Variants in AKAP13 observed in about 807,000 individuals in gnomAD.
AKAP13 encodes A-kinase anchor protein 13.
Under a neutral mutation model 264.5 loss-of-function variants are expected in AKAP13, and 80 were observed. The ratio of observed to expected loss-of-function variants is 0.30; its 90% confidence interval spans 0.25 to 0.36. AKAP13 has a LOEUF of 0.36. Ranked by LOEUF, AKAP13 falls within the 10% of genes least tolerant of loss-of-function variation. The probability of loss-of-function intolerance (pLI) is 1.00; values close to 1 mark genes in which losing one functional copy is unlikely to be tolerated. For synonymous variants in AKAP13, 1,380 were observed against 1,250.2 expected (o/e 1.10, Z -2.19); for missense variants, 3,712 against 3,435.2 (o/e 1.08, Z -2.01).
intron 2 of AKAP13, among the ~76,000 whole-genome samples, chr15:85,511,582 T>C (rs936816979): frequency 6.6e-6 from 1 of 152,188 alleles, no homozygotes; most frequent in Non-Finnish European, 1.5e-5. Context: ...TGCTTGAGGC[T>C]TACTATCTTC....
rs2089403292 is a variant in AKAP13 at position 85,747,452 on chromosome 15, T to G, written c.*2775T>G. On this transcript the variant is annotated 3_prime_UTR_variant, in exon 37 of 37. Transcript: ENST00000394518. ...GTTTCCACGCCGGGACACCATGTTCTCCATCAAGCTAAAGAAATCACGTGC... is the reference window on the plus strand; with the variant it reads ...GTTTCCACGCCGGGACACCATGTTCGCCATCAAGCTAAAGAAATCACGTGC... 6.6e-6 allele frequency: 1 copy of G among 152,604 alleles called. No individual in the cohort carries two copies. 9.5% of individuals were successfully genotyped at this position (152,604 alleles called of 1,614,324 possible). A position where few individuals can be genotyped will look rare whatever the true frequency, so the allele number is the denominator to read the frequency against.
chr15:85,498,361 G>T (rs1029122509), intron 2 of AKAP13, among the ~76,000 whole-genome samples: 4 of 151,950 alleles, frequency 2.6e-5, no homozygotes, highest in Non-Finnish European at 5.9e-5. Flanking sequence ...ATAAATACTT[G>T]CGCTGAGAGC....
intron 8 of AKAP13, among the ~76,000 whole-genome samples, chr15:85,637,387 C>G (rs1317250961): frequency 6.6e-6 from 1 of 152,120 alleles, no homozygotes; most frequent in African/African-American, 2.4e-5. Flanking sequence ...TGCATAGTGT[C>G]ATGGAATGCT....
At chr15:85,663,309 C>CAAAA (rs11435393) in intron 12 of AKAP13, among the ~76,000 whole-genome samples, 1 of 134,760 alleles carries the variant, frequency 7.4e-6, no homozygotes. Context: ...GGCTCTGTCT[C>CAAAA]AAAAAAAAAA....
At position 85,693,453 on chromosome 15, in the gene AKAP13, T is replaced by A; in HGVS notation, c.5464+2T>A. 1 of 1,611,312 alleles carries A rather than the reference T, an allele frequency of 6.2e-7. No individual in the cohort carries two copies. The highest frequency in any genetic ancestry group is 8.5e-7 in the Non-Finnish European group (1 of 1,179,304). The stretch of plus-strand genomic sequence containing the variant: ...ACAAAGATGCCTATACTTGTGCAAG[T>A]AAGAGACATGCTTCTTCCTCTCGTA... On this transcript the variant is annotated splice_donor_variant, in intron 17 of 36. Coordinates refer to ENST00000394518, the MANE Select transcript of AKAP13 (RefSeq NM_007200.5). LOFTEE classifies it high-confidence loss of function.
At chr15:85,686,191 A>AT (rs1555459330) in intron 16 of AKAP13, among the ~76,000 whole-genome samples, 1 of 151,354 alleles carries the variant, frequency 6.6e-6, no homozygotes, top group African/African-American at 2.4e-5. Flanking sequence ...ACGTGCATGC[A>AT]TGTGTGTGTG....
chr15:85,651,534 T>A (rs926094800), intron 10 of AKAP13: 7 of 152,232 alleles, frequency 4.6e-5, no homozygotes, highest in Non-Finnish European at 1.0e-4. Context: ...ATTTAATGAC[T>A]GCTTCACGAA....
rs142957048 is a variant in AKAP13 at position 85,422,652 on chromosome 15, A to G, written c.-12+41854A>G. Among the ~76,000 whole-genome samples the G allele has an allele frequency of 5.1e-3, 783 of 152,364 alleles. 1 individual carries two copies. Among genetic ancestry groups the G allele is most frequent in the Middle Eastern group, 0.037 (11 of 294 alleles). On this transcript the variant is annotated intron_variant, in intron 1 of 36. Coordinates refer to ENST00000394518, the MANE Select transcript of AKAP13 (RefSeq NM_007200.5). ...TGCATCCTTCTCTGTGCATACCTGC[A>G]TATGATTTTAAATTAGGAAAGAAAA... is the stretch of plus-strand genomic sequence containing the variant.
intron 1 of AKAP13, among the ~76,000 whole-genome samples, chr15:85,478,634 T>C (rs1255080662): frequency 6.6e-6 from 1 of 152,188 alleles, no homozygotes; most frequent in African/African-American, 2.4e-5. Flanking sequence ...TTCTTTTGTT[T>C]TACTGTTGAA....
At chr15:85,674,207 G>C (rs906859557) in intron 14 of AKAP13, among the ~76,000 whole-genome samples, 1 of 152,148 alleles carries the variant, frequency 6.6e-6, no homozygotes, top group Non-Finnish European at 1.5e-5. Flanking sequence ...GTTACAGGTT[G>C]AGCATCCCTA....
intron 9 of AKAP13, among the ~76,000 whole-genome samples, chr15:85,642,028 A>G (rs929156640): frequency 6.6e-6 from 1 of 152,216 alleles, no homozygotes; most frequent in Non-Finnish European, 1.5e-5. Context: ...TCAGTACACA[A>G]AAATTACAGA....
chr15:85,503,734 A>G (rs1264787255), intron 2 of AKAP13, among the ~76,000 whole-genome samples: 1 of 152,208 alleles, frequency 6.6e-6, no homozygotes, highest in South Asian at 2.1e-4. Context: ...TTCTACTTAG[A>G]AAAGAAAGGC....
intron 34 of AKAP13, 94 bp downstream of exon 34, chr15:85,740,366 GT>G: frequency 6.9e-7 from 1 of 1,444,906 alleles, no homozygotes; most frequent in Non-Finnish European, 9.6e-7. Context: ...TTTGCAGGAT[GT>G]TTAATGGATA....
At chr15:85,640,316 T>A (rs2151475584) in intron 9 of AKAP13, among the ~76,000 whole-genome samples, 1 of 152,314 alleles carries the variant, frequency 6.6e-6, no homozygotes, top group Admixed American at 6.5e-5. Context: ...AGCAAGCCTC[T>A]GTTTGCCTTC....
chr15:85,557,327 A>T (rs1306606107), intron 5 of AKAP13, among the ~76,000 whole-genome samples: 1 of 152,210 alleles, frequency 6.6e-6, no homozygotes, highest in Non-Finnish European at 1.5e-5. Context: ...TTATGATGAA[A>T]ATGCTCTGAA....
chr15:85,617,008 A>G (rs2080964765), intron 8 of AKAP13, among the ~76,000 whole-genome samples: 1 of 152,240 alleles, frequency 6.6e-6, no homozygotes, highest in Non-Finnish European at 1.5e-5. Context: ...GAAGTTAGAA[A>G]TAAAAAGGTT....
intron 3 of AKAP13, among the ~76,000 whole-genome samples, chr15:85,524,950 G>C (rs530084174): frequency 6.6e-5 from 10 of 151,558 alleles, no homozygotes; most frequent in Non-Finnish European, 1.3e-4. Flanking sequence ...AAGTAGTTAT[G>C]ATGTGATTTC....
At chr15:85,683,915 CTG>C (rs2084751572) in intron 15 of AKAP13, among the ~76,000 whole-genome samples, 1 of 152,200 alleles carries the variant, frequency 6.6e-6, no homozygotes, top group South Asian at 2.1e-4. Context: ...TCTTTCAACA[CTG>C]TGCCTCAATT....
chr15:85,543,428 A>C (rs1358856760), intron 4 of AKAP13, among the ~76,000 whole-genome samples: 1 of 152,238 alleles, frequency 6.6e-6, no homozygotes, highest in Admixed American at 6.5e-5. Flanking sequence ...TGAGTAAAAG[A>C]ACGTGTGTAT....
Sources: allele counts gnomAD v4.1 joint callset (sites outside exome capture counted in the v4.1 genomes callset), GRCh38; gene constraint gnomAD v4.1.1; transcripts MANE v1.5; gene names NCBI Gene and HGNC (gene_info 2026-07-23, HGNC 2026-07-21).